The following RASGEF1A variants were observed in gnomAD, a reference collection of about 807,000 sequenced individuals.
The protein encoded by RASGEF1A is RasGEF domain family member 1A.
A neutral mutation model predicts 56.4 loss-of-function variants in RASGEF1A; 18 were observed. The ratio of observed to expected loss-of-function variants is 0.32; its 90% CI spans 0.22 to 0.47. RASGEF1A has a LOEUF of 0.47. RASGEF1A is among the 20% of genes least tolerant of loss of function. RASGEF1A has a pLI of 1.00. For synonymous variants in RASGEF1A, 245 were observed against 242.6 expected (o/e 1.01, Z -0.09); for missense variants, 422 against 627.1 (o/e 0.67, Z 3.49).
At chr10:43,262,103 G>A (rs542309596) in intron 1 of RASGEF1A, among the ~76,000 whole-genome samples, 1 of 152,276 alleles carries the variant, frequency 6.6e-6, no homozygotes, top group East Asian at 1.9e-4. Context: ...CTGGGTACCA[G>A]AGACCTGGAG....
chr10:43,198,631 A>G (rs756499498), intron 9 of RASGEF1A, among the ~76,000 whole-genome samples: 2 of 152,236 alleles, frequency 1.3e-5, no homozygotes, highest in Non-Finnish European at 2.9e-5. Context: ...CAGGACCTGG[A>G]GACACTGACC....
At chr10:43,197,195 C>T (rs1839812344) in intron 10 of RASGEF1A, 96 bp from the exon 11 acceptor site, 2 of 1,402,686 alleles carry the variant, frequency 1.4e-6, no homozygotes, top group African/African-American at 1.4e-5. Flanking sequence ...CAGCCTCCTG[C>T]TCACTTCACT....
At chr10:43,217,139 G>A (rs983137558) in intron 1 of RASGEF1A, among the ~76,000 whole-genome samples, 7 of 152,138 alleles carry the variant, frequency 4.6e-5, no homozygotes, top group Non-Finnish European at 8.8e-5. Context: ...GAGGGGAGCC[G>A]ATGGCCTGCA....
At chr10:43,218,311 GC>G (rs1840163117) in intron 1 of RASGEF1A, among the ~76,000 whole-genome samples, 1 of 152,258 alleles carries the variant, frequency 6.6e-6, no homozygotes, top group African/African-American at 2.4e-5. Flanking sequence ...GCTGCAGACA[GC>G]AACAAGTGAG....
rs537646005 is a variant in RASGEF1A at position 43,229,592 on chromosome 10, G to T, written c.-6-23470C>A. 34 of 1,455,386 alleles carry T rather than the reference G, an allele frequency of 2.3e-5. No individual in the cohort carries two copies. In the East Asian group the frequency reaches 8.9e-4, roughly 38 times the overall value. 90.2% of individuals were successfully genotyped at this position (1,455,386 alleles called of 1,614,324 possible). On this transcript the variant is annotated intron_variant, in intron 1 of 12. Transcript: ENST00000395810. ...ACCCCTCCCGAGCCCGACAGCGCAA[G>T]AACCCTGCCCCGCGGCCTTGCGCCT... is the stretch of plus-strand genomic sequence containing the variant.
chr10:43,248,025 C>T (rs1173676379), intron 1 of RASGEF1A, among the ~76,000 whole-genome samples: 1 of 148,986 alleles, frequency 6.7e-6, no homozygotes, highest in Admixed American at 6.8e-5. Context: ...ATAGTAAGAC[C>T]CCCCATTTCT....
At position 43,212,920 on chromosome 10, in the gene RASGEF1A, C is replaced by T. The variant is rs187930355; in HGVS notation, c.-6-6798G>A. On this transcript the variant is annotated intron_variant, in intron 1 of 12. Transcript: ENST00000395810. The stretch of plus-strand genomic sequence containing the variant: ...GCACACACAGGTGCACAGACCCCTT[C>T]GCACCAAGGAATACACTGTGCCAAT... Among the ~76,000 whole-genome samples the T allele has an allele frequency of 1.2e-4, 18 of 152,344 alleles. No homozygotes were observed. In the East Asian group the frequency reaches 2.3e-3, roughly 20 times the overall value.
Position 43,203,435 on chromosome 10 carries a change from C to A in RASGEF1A, c.199-15G>T. The A allele has an allele frequency of 6.6e-7, 1 of 1,525,916 alleles. No homozygotes were observed. The highest frequency in any genetic ancestry group is 8.8e-7 in the Non-Finnish European group (1 of 1,130,630). The allele number at this position is 1,525,916 out of a possible 1,614,324, so 94.5% of individuals were successfully genotyped here. A position where few individuals can be genotyped will look rare whatever the true frequency, so the allele number is the denominator to read the frequency against. On this transcript the variant is annotated splice_polypyrimidine_tract_variant and intron_variant, in intron 2 of 12. Coordinates refer to ENST00000395810, the MANE Select transcript of RASGEF1A (RefSeq NM_145313.4). ...ATGTACGTCCTCTGAAGGCAGGAGACGGAGAGAGGGCGGAGGGAGGGTGAG... is the reference window on the plus strand; with the variant it reads ...ATGTACGTCCTCTGAAGGCAGGAGAAGGAGAGAGGGCGGAGGGAGGGTGAG...
At chr10:43,200,400 C>T in intron 5 of RASGEF1A, 144 bp from the exon 6 acceptor site, 5 of 718,394 alleles carry the variant, frequency 7.0e-6, no homozygotes, top group Non-Finnish European at 1.2e-5. Flanking sequence ...CATCCTAGGG[C>T]CACTGCAGTC....
At chr10:43,214,236 T>C (rs1407566501) in intron 1 of RASGEF1A, among the ~76,000 whole-genome samples, 1 of 152,168 alleles carries the variant, frequency 6.6e-6, no homozygotes, top group African/African-American at 2.4e-5. Flanking sequence ...CTGCTGTGCG[T>C]GTCGTCTTCC....
intron 10 of RASGEF1A, 66 bp from the exon 11 acceptor site, chr10:43,197,165 G>C: frequency 6.4e-7 from 1 of 1,571,470 alleles, no homozygotes; most frequent in Non-Finnish European, 8.6e-7. Context: ...GGTCAGGGCA[G>C]GGGACGTAGG....
Position 43,196,943 on chromosome 10 carries a change from G to C in RASGEF1A, c.1348+33C>G. 1 of 1,609,210 alleles carries C rather than the reference G, an allele frequency of 6.2e-7. No individual in the cohort carries two copies. Among genetic ancestry groups the C allele is most frequent in the Non-Finnish European group, 8.5e-7 (1 of 1,178,478 alleles). ...GCCTGGACAAGGAGTCAGGTGGGGTGGGAGGCATGCTGCGTTGGGAGGCAG... is the reference window on the plus strand; with the variant it reads ...GCCTGGACAAGGAGTCAGGTGGGGTCGGAGGCATGCTGCGTTGGGAGGCAG... On this transcript the variant is annotated intron_variant, in intron 11 of 12. Coordinates refer to ENST00000395810, the MANE Select transcript of RASGEF1A (RefSeq NM_145313.4). The surrounding 1 kb of genome is among the most constrained non-coding windows in gnomAD (Gnocchi z 4.6).
rs370896202 is a variant in RASGEF1A at position 43,196,230 on chromosome 10, G to A, written c.*14C>T. Reference sequence around the variant, plus strand: ...GTGCACGTGCTTCCTCTGGCGTCGCGGGCTGCATCCGCCTCAGGCTCTGTT... The same window carrying A: ...GTGCACGTGCTTCCTCTGGCGTCGCAGGCTGCATCCGCCTCAGGCTCTGTT... On this transcript the variant is annotated 3_prime_UTR_variant, in exon 13 of 13. Transcript: ENST00000395810. This position sits in a 1 kb window ranked among gnomAD's most constrained non-coding sequence, Gnocchi z 4.6. The A allele has an allele frequency of 4.6e-5, 74 of 1,612,452 alleles. No homozygotes were observed. Among genetic ancestry groups the A allele is most frequent in the South Asian group, 7.7e-5 (7 of 90,964 alleles).
intron 1 of RASGEF1A, among the ~76,000 whole-genome samples, chr10:43,217,983 G>C (rs573950092): frequency 1.3e-5 from 2 of 152,272 alleles, no homozygotes; most frequent in South Asian, 4.1e-4. Context: ...GCCCAGGCTG[G>C]ATCTAGGCAT....
At chr10:43,204,515 C>T (rs993135792) in intron 2 of RASGEF1A, among the ~76,000 whole-genome samples, 3 of 152,234 alleles carry the variant, frequency 2.0e-5, no homozygotes, top group African/African-American at 7.2e-5. Context: ...ACAACTAAGA[C>T]GTGGAGGAAA....
intron 1 of RASGEF1A, chr10:43,206,750 C>T (rs1840001947): frequency 1.0e-6 from 1 of 986,586 alleles, no homozygotes. Flanking sequence ...CAGGCGGTAG[C>T]AGGAGTGGCG....
Position 43,203,412 on chromosome 10 carries a change from G to A in RASGEF1A, c.207C>T (p.Tyr69=). 6.4e-7 allele frequency: 1 copy of A among 1,567,038 alleles called. No homozygotes were observed. Among genetic ancestry groups the A allele is most frequent in the Non-Finnish European group, 8.7e-7 (1 of 1,154,178 alleles). Reference sequence around the variant, plus strand: ...GGGAGCTCAGGAGAAAGGTGAAGATGTACGTCCTCTGAAGGCAGGAGACGG... The same window carrying A: ...GGGAGCTCAGGAGAAAGGTGAAGATATACGTCCTCTGAAGGCAGGAGACGG... ...PTVDYYPDRT[Y]IFTFLLSSRV... is the part of the protein sequence containing the mutation. The change falls in exon 3 of 13, where the codon TAC becomes TAT. Residue 69 remains tyrosine, a synonymous_variant. Transcript: ENST00000395810.
At chr10:43,251,152 T>C (rs1203444440) in intron 1 of RASGEF1A, among the ~76,000 whole-genome samples, 4 of 152,218 alleles carry the variant, frequency 2.6e-5, no homozygotes, top group Admixed American at 6.5e-5. Flanking sequence ...CCTGCTCTGC[T>C]GGCTGGGCCC....
chr10:43,235,808 C>T (rs1345542372), intron 1 of RASGEF1A, among the ~76,000 whole-genome samples: 2 of 152,150 alleles, frequency 1.3e-5, no homozygotes, highest in African/African-American at 4.8e-5. Flanking sequence ...CAGCATCATG[C>T]CCAGCACAAT....
Sources: allele counts gnomAD v4.1 joint callset (sites outside exome capture counted in the v4.1 genomes callset), GRCh38; gene constraint gnomAD v4.1.1; non-coding constraint Gnocchi (gnomAD v3.1); transcripts MANE v1.5; gene names NCBI Gene and HGNC (gene_info 2026-07-23, HGNC 2026-07-21).